The following PTPRN2 variants were observed in gnomAD, a reference collection of about 807,000 sequenced individuals.
PTPRN2 encodes protein tyrosine phosphatase receptor type N2.
Under a neutral mutation model 118.8 loss-of-function variants are expected in PTPRN2, and 74 were observed. That is an observed-to-expected ratio of 0.62 (90% CI 0.52 to 0.76). PTPRN2 has a LOEUF of 0.76. PTPRN2 is among the 30% of genes least tolerant of loss of function. The pLI, the probability that PTPRN2 is intolerant of heterozygous loss-of-function variation, is 0.00. For synonymous variants in PTPRN2, 641 were observed against 608.0 expected, an observed-to-expected ratio of 1.05 and a Z score of -0.80; for missense variants, 1,481 against 1,394.4, an observed-to-expected ratio of 1.06 and a Z score of -0.99.
At chr7:158,021,409 C>T (rs968264262) in intron 11 of PTPRN2, among the ~76,000 whole-genome samples, 2 of 152,180 alleles carry the variant, frequency 1.3e-5, no homozygotes, top group African/African-American at 4.8e-5. Flanking sequence ...TGAGAAACTT[C>T]ATCAGTGATG....
At chr7:158,274,268 C>T (rs1798783787) in intron 3 of PTPRN2, among the ~76,000 whole-genome samples, 1 of 143,032 alleles carries the variant, frequency 7.0e-6, no homozygotes, top group Non-Finnish European at 1.5e-5. Context: ...CGGGGAGCCG[C>T]AGACACAGGG....
At chr7:157,876,745 C>A (rs1795789416) in intron 12 of PTPRN2, among the ~76,000 whole-genome samples, 1 of 152,138 alleles carries the variant, frequency 6.6e-6, no homozygotes, top group Admixed American at 6.5e-5. Context: ...TCACATGGCC[C>A]CTGCACCCCA....
At chr7:158,176,883 C>T (rs993918215) in intron 5 of PTPRN2, among the ~76,000 whole-genome samples, 1 of 152,166 alleles carries the variant, frequency 6.6e-6, no homozygotes, top group Non-Finnish European at 1.5e-5. Flanking sequence ...CGCTGTGTGC[C>T]TCCACACCTG....
chr7:158,071,038 T>TG (rs1491291255), intron 11 of PTPRN2, among the ~76,000 whole-genome samples: 9 of 45,146 alleles, frequency 2.0e-4, no homozygotes, highest in Admixed American at 2.2e-4. Context: ...GTGCTCTTAG[T>TG]ATGGAGGTGC....
At chr7:158,069,202 T>G (rs1811017703) in intron 11 of PTPRN2, among the ~76,000 whole-genome samples, 1 of 152,138 alleles carries the variant, frequency 6.6e-6, no homozygotes, top group South Asian at 2.1e-4. Context: ...TAAACAAAAT[T>G]TTTAGAGATA....
intron 2 of PTPRN2, among the ~76,000 whole-genome samples, chr7:158,430,697 G>T (rs1485449948): frequency 6.6e-6 from 1 of 152,252 alleles, no homozygotes; most frequent in Non-Finnish European, 1.5e-5. Context: ...CCGTGTCACT[G>T]CAGGAAGCCG....
intron 3 of PTPRN2, among the ~76,000 whole-genome samples, chr7:158,219,816 T>G (rs1828218949): frequency 6.6e-6 from 1 of 151,782 alleles, no homozygotes; most frequent in Admixed American, 6.6e-5. Context: ...CTTGCAATAT[T>G]GAACCAGGAA....
In PTPRN2 at chr7:157,729,997, G is replaced by C. The variant is rs1370779635; in HGVS notation, c.1789-47060C>G. Among the ~76,000 whole-genome samples the C allele has an allele frequency of 6.6e-6, 1 of 152,220 alleles. No homozygotes were observed. The highest frequency in any genetic ancestry group is 2.4e-5 in the African/African-American group (1 of 41,458). The stretch of plus-strand genomic sequence containing the variant: ...GAGCAGAAACCACAAGATAGACATG[G>C]CCCATTGTGCTCGAGGGTCACTTTC... On this transcript the variant is annotated intron_variant, in intron 12 of 22. Coordinates refer to ENST00000389418, the MANE Select transcript of PTPRN2 (RefSeq NM_002847.5). The surrounding 1 kb of genome is among the most constrained non-coding windows in gnomAD (Gnocchi z 4.3).
intron 1 of PTPRN2, among the ~76,000 whole-genome samples, chr7:158,548,134 G>T (rs528567012): frequency 6.6e-6 from 1 of 152,338 alleles, no homozygotes; most frequent in East Asian, 1.9e-4. Flanking sequence ...ACTCTGCATT[G>T]TCCATGCTCT....
chr7:157,967,587 C>T (rs930556433), intron 11 of PTPRN2, among the ~76,000 whole-genome samples: 2 of 152,208 alleles, frequency 1.3e-5, no homozygotes, highest in East Asian at 1.9e-4. Context: ...TGTGTGTCCC[C>T]GTCCTCACTC....
intron 2 of PTPRN2, among the ~76,000 whole-genome samples, chr7:158,442,491 AT>A (rs1817419350): frequency 6.6e-6 from 1 of 152,148 alleles, no homozygotes; most frequent in Non-Finnish European, 1.5e-5. Context: ...GATGCTACGT[AT>A]CAGTATTCAA....
intron 11 of PTPRN2, among the ~76,000 whole-genome samples, chr7:157,921,932 A>G (rs946494263): frequency 2.0e-5 from 3 of 152,190 alleles, no homozygotes; most frequent in African/African-American, 7.2e-5. Context: ...GATGGGAGCA[A>G]TGGAGAGACG....
intron 9 of PTPRN2, among the ~76,000 whole-genome samples, chr7:158,121,415 C>T (rs1451288497): frequency 2.6e-4 from 40 of 152,200 alleles, no homozygotes; most frequent in Admixed American, 2.4e-3. Flanking sequence ...TTTAATCCTG[C>T]CTCCCCCTAC....
At chr7:158,010,882 G>A (rs1362670195) in intron 11 of PTPRN2, among the ~76,000 whole-genome samples, 2 of 152,218 alleles carry the variant, frequency 1.3e-5, no homozygotes, top group African/African-American at 4.8e-5. Context: ...AAAGACCAGT[G>A]GGTCTGCTCC....
intron 12 of PTPRN2, among the ~76,000 whole-genome samples, chr7:157,842,885 C>T (rs899801347): frequency 6.6e-6 from 1 of 152,156 alleles, no homozygotes; most frequent in Admixed American, 6.5e-5. Context: ...AATATATTAA[C>T]AAGTCGGAGT....
chr7:158,454,894 G>A (rs948593847), intron 2 of PTPRN2, among the ~76,000 whole-genome samples: 2 of 152,134 alleles, frequency 1.3e-5, no homozygotes, highest in African/African-American at 4.8e-5. Flanking sequence ...CTGTTGCATG[G>A]AACAGACATA....
intron 1 of PTPRN2, among the ~76,000 whole-genome samples, chr7:158,584,401 G>A (rs1028222247): frequency 6.6e-6 from 1 of 152,158 alleles, no homozygotes; most frequent in African/African-American, 2.4e-5. Flanking sequence ...GAGAAAGGCG[G>A]GCCGGTCGGG....
intron 11 of PTPRN2, among the ~76,000 whole-genome samples, chr7:157,996,380 G>C (rs1804741582): frequency 6.6e-6 from 1 of 152,222 alleles, no homozygotes; most frequent in Non-Finnish European, 1.5e-5. Flanking sequence ...CTACACAACA[G>C]ATCCACGTAG....
Position 158,517,145 on chromosome 7 carries a change from C to T in PTPRN2, c.113-27360G>A, listed in dbSNP as rs549152096. Among the ~76,000 whole-genome samples the T allele has an allele frequency of 1.1e-4, 17 of 152,320 alleles. No individual in the cohort carries two copies. Among genetic ancestry groups the T allele is most frequent in the East Asian group, 7.7e-4 (4 of 5,182 alleles). On this transcript the variant is annotated intron_variant, in intron 1 of 22. Transcript: ENST00000389418. This position sits in a 1 kb window ranked among gnomAD's most constrained non-coding sequence, Gnocchi z 5.3. Reference sequence around the variant, plus strand: ...AGGCCAGCAGGACAGAACAGTACAACGCTGGTTCCACAGTGTGGTCCTCAC... The same window carrying T: ...AGGCCAGCAGGACAGAACAGTACAATGCTGGTTCCACAGTGTGGTCCTCAC...
Sources: allele counts gnomAD v4.1 joint callset (sites outside exome capture counted in the v4.1 genomes callset), GRCh38; gene constraint gnomAD v4.1.1; non-coding constraint Gnocchi (gnomAD v3.1); transcripts MANE v1.5; gene names NCBI Gene and HGNC (gene_info 2026-07-23, HGNC 2026-07-21).